Variants in SLC24A3 observed in about 807,000 individuals in gnomAD.
SLC24A3 encodes the protein solute carrier family 24 member 3, also known as sodium/potassium/calcium exchanger 3.
A neutral mutation model predicts 75.8 loss-of-function variants in SLC24A3; 28 were observed. The ratio of observed to expected loss-of-function variants is 0.37; its 90% CI spans 0.27 to 0.51. SLC24A3 has a LOEUF of 0.51. SLC24A3 is among the 20% of genes least tolerant of loss of function. The probability of loss-of-function intolerance (pLI) is 0.94; values close to 1 mark genes in which losing one functional copy is unlikely to be tolerated. For missense variants in SLC24A3, 663 were observed against 847.8 expected (o/e 0.78, Z 2.71); for synonymous variants, 372 against 334.1 (o/e 1.11, Z -1.24).
intron 2 of SLC24A3, among the ~76,000 whole-genome samples, chr20:19,293,920 C>T (rs866473261): frequency 1.3e-5 from 2 of 149,930 alleles, no homozygotes; most frequent in African/African-American, 5.1e-5. Context: ...GGTTCTAGGA[C>T]ACCCCCCCAC....
Position 19,617,995 on chromosome 20 carries a change from TG to T in SLC24A3, c.612+32452del, listed in dbSNP as rs1027418394. Among the ~76,000 whole-genome samples the T allele has an allele frequency of 2.0e-4, 31 of 151,240 alleles. No homozygotes were observed. The East Asian group carries it at 6.4e-3, about 31-fold the overall frequency. Reference sequence around the variant, plus strand: ...CAGGTTTTGTTGTGTTTTTGTTTTTTGTTTTTTTTTTCCTTCTTCACTTTAA... The same window carrying T: ...CAGGTTTTGTTGTGTTTTTGTTTTTTTTTTTTTTTTCCTTCTTCACTTTAA... On this transcript the variant is annotated intron_variant, in intron 6 of 16. Transcript: ENST00000328041.
intron 2 of SLC24A3, among the ~76,000 whole-genome samples, chr20:19,288,370 C>T (rs1250849098): frequency 6.6e-6 from 1 of 152,158 alleles, no homozygotes; most frequent in Non-Finnish European, 1.5e-5. Flanking sequence ...TTTGTTTTTT[C>T]TAGCTTTGAC....
chr20:19,280,902 G>A (rs1568577194), intron 1 of SLC24A3, 57 bp from the exon 2 acceptor site: 41 of 1,581,576 alleles, frequency 2.6e-5, no homozygotes, highest in Middle Eastern at 1.7e-4. Flanking sequence ...ATGCAGCGTC[G>A]GCAGAGGCTG....
chr20:19,447,460 G>A (rs1475694178), intron 2 of SLC24A3, among the ~76,000 whole-genome samples: 1 of 152,158 alleles, frequency 6.6e-6, no homozygotes. Context: ...GCCCCAAGCA[G>A]TACGACTAGG....
At chr20:19,300,435 A>C (rs1188013227) in intron 2 of SLC24A3, among the ~76,000 whole-genome samples, 1 of 152,158 alleles carries the variant, frequency 6.6e-6, no homozygotes, top group East Asian at 1.9e-4. Context: ...ATCCTCAGTC[A>C]CCACCTGACT....
At chr20:19,533,592 G>A (rs2030343597) in intron 3 of SLC24A3, among the ~76,000 whole-genome samples, 1 of 152,204 alleles carries the variant, frequency 6.6e-6, no homozygotes, top group African/African-American at 2.4e-5. Flanking sequence ...AGAGGGGAGA[G>A]AGAACACCAA....
chr20:19,372,664 G>C (rs1327518350), intron 2 of SLC24A3, among the ~76,000 whole-genome samples: 2 of 152,144 alleles, frequency 1.3e-5, no homozygotes, highest in Non-Finnish European at 2.9e-5. Flanking sequence ...AATCCTGCTG[G>C]AGTGAGAAAA....
intron 2 of SLC24A3, among the ~76,000 whole-genome samples, chr20:19,508,676 C>T (rs1184401861): frequency 3.3e-5 from 5 of 152,170 alleles, no homozygotes; most frequent in Non-Finnish European, 7.4e-5. Context: ...GGGAACAGCA[C>T]CGCTTGCTTC....
rs1302063387 is a variant in SLC24A3 at position 19,314,809 on chromosome 20, T to C, written c.271+33722T>C. ...AGCTTGTCATAACACACCTTAGTGG[T>C]TACCAGGCCTTGGCCTGTCGGTGTG... On this transcript the variant is annotated intron_variant, in intron 2 of 16. Transcript: ENST00000328041. Among the ~76,000 whole-genome samples, 3 of 152,236 alleles carry C rather than the reference T, an allele frequency of 2.0e-5. No individual in the cohort carries two copies. In the South Asian group the frequency reaches 6.2e-4, roughly 31 times the overall value.
At chr20:19,547,136 G>C (rs2030613652) in intron 3 of SLC24A3, among the ~76,000 whole-genome samples, 1 of 152,148 alleles carries the variant, frequency 6.6e-6, no homozygotes. Context: ...TATTTGATTA[G>C]CATCTTTCTT....
chr20:19,641,867 G>T (rs2122698451), intron 6 of SLC24A3, among the ~76,000 whole-genome samples: 1 of 152,262 alleles, frequency 6.6e-6, no homozygotes, highest in Admixed American at 6.5e-5. Context: ...TCTGGGGTAG[G>T]TGGGCCCGGG....
intron 7 of SLC24A3, 90 bp downstream of exon 7, chr20:19,654,226 G>T: frequency 8.3e-7 from 1 of 1,197,874 alleles, no homozygotes; most frequent in Non-Finnish European, 1.2e-6. Context: ...TTCACTCGAG[G>T]TCACCGGTGG....
At chr20:19,589,661 C>T (rs748739733) in intron 6 of SLC24A3, among the ~76,000 whole-genome samples, 19 of 152,118 alleles carry the variant, frequency 1.2e-4, no homozygotes, top group Non-Finnish European at 2.1e-4. Context: ...GTGTCTAGGG[C>T]CAGGACATCT....
At chr20:19,548,227 T>C (rs1320822225) in intron 3 of SLC24A3, among the ~76,000 whole-genome samples, 1 of 152,210 alleles carries the variant, frequency 6.6e-6, no homozygotes, top group Admixed American at 6.5e-5. Context: ...TGTATTTGGA[T>C]GACCCCTCTG....
chr20:19,286,111 C>G (rs1983811099), intron 2 of SLC24A3, among the ~76,000 whole-genome samples: 1 of 152,176 alleles, frequency 6.6e-6, no homozygotes, highest in African/African-American at 2.4e-5. Flanking sequence ...TCTGGCTTAG[C>G]TGGGCCTAAG....
At chr20:19,634,937 A>T (rs2031981327) in intron 6 of SLC24A3, among the ~76,000 whole-genome samples, 2 of 152,264 alleles carry the variant, frequency 1.3e-5, no homozygotes, top group African/African-American at 2.4e-5. Flanking sequence ...CCAAGATAGA[A>T]GAAATTTAAT....
chr20:19,587,802 T>C (rs2031319988), intron 6 of SLC24A3, among the ~76,000 whole-genome samples: 1 of 152,206 alleles, frequency 6.6e-6, no homozygotes, highest in Admixed American at 6.5e-5. Flanking sequence ...CTTCCTAGTG[T>C]TGCCATCAAG....
chr20:19,598,751 T>C (rs2031483649), intron 6 of SLC24A3, among the ~76,000 whole-genome samples: 1 of 152,074 alleles, frequency 6.6e-6, no homozygotes, highest in Non-Finnish European at 1.5e-5. Flanking sequence ...AAGATATTGG[T>C]CATTATACAG....
At chr20:19,697,021 A>T in intron 14 of SLC24A3, 110 bp downstream of exon 14, 1 of 474,894 alleles carries the variant, frequency 2.1e-6, no homozygotes, top group African/African-American at 2.1e-5. Context: ...AGAGAAAGGG[A>T]GGGAGAAGAG....
Sources: allele counts gnomAD v4.1 joint callset (sites outside exome capture counted in the v4.1 genomes callset), GRCh38; gene constraint gnomAD v4.1.1; transcripts MANE v1.5; gene names NCBI Gene and HGNC (gene_info 2026-07-23, HGNC 2026-07-21).